The following SYNJ2 variants were observed in gnomAD, a reference collection of about 807,000 sequenced individuals.
SYNJ2 encodes synaptojanin 2.
Under a neutral mutation model 141.3 loss-of-function variants are expected in SYNJ2, and 116 were observed. That is an observed-to-expected ratio of 0.82 (90% CI 0.71 to 0.96). The LOEUF (loss-of-function observed/expected upper bound fraction) is 0.96, where lower values mean the gene tolerates loss of function less well. Ranked by LOEUF, SYNJ2 falls within the 40% of genes least tolerant of loss-of-function variation. The pLI is 0.00. For synonymous variants in SYNJ2, 745 were observed against 777.7 expected (o/e 0.96, Z 0.70); for missense variants, 1,873 against 1,934.8 (o/e 0.97, Z 0.60).
intron 18 of SYNJ2, among the ~76,000 whole-genome samples, chr6:158,080,572 C>G (rs931439448): frequency 2.0e-5 from 3 of 149,214 alleles, no homozygotes; most frequent in African/African-American, 7.4e-5. Flanking sequence ...AAATCTTTGT[C>G]TGAATCCCTG....
chr6:157,994,178 C>G (rs1309061542), intron 1 of SYNJ2, among the ~76,000 whole-genome samples: 2 of 152,028 alleles, frequency 1.3e-5, no homozygotes, highest in Non-Finnish European at 2.9e-5. Context: ...TTGCATGAAC[C>G]CCGCTTTACC....
At chr6:158,038,027 C>T (rs542557168) in intron 4 of SYNJ2, among the ~76,000 whole-genome samples, 373 of 152,336 alleles carry the variant, frequency 2.4e-3, no homozygotes, top group Non-Finnish European at 4.5e-3. Flanking sequence ...CTTGTTAGAG[C>T]TCAGAGGCAG....
chr6:158,067,792 G>A, intron 12 of SYNJ2: 1 of 985,264 alleles, frequency 1.0e-6, no homozygotes, highest in Non-Finnish European at 1.2e-6. Context: ...CAGAGCCACT[G>A]GGGCTCTCTG....
At chr6:157,984,682 G>T (rs994692424) in intron 1 of SYNJ2, among the ~76,000 whole-genome samples, 5 of 152,234 alleles carry the variant, frequency 3.3e-5, no homozygotes, top group African/African-American at 1.2e-4. Flanking sequence ...AGGATTACAG[G>T]CGTGAGCCAC....
chr6:158,055,630 ACTT>A (rs1780825317), intron 6 of SYNJ2, among the ~76,000 whole-genome samples: 1 of 152,142 alleles, frequency 6.6e-6, no homozygotes, highest in African/African-American at 2.4e-5. Flanking sequence ...TGAAATAATA[ACTT>A]CTTAAAAGAT....
intron 1 of SYNJ2, among the ~76,000 whole-genome samples, chr6:158,014,298 T>G (rs952745982): frequency 2.0e-5 from 3 of 152,272 alleles, no homozygotes; most frequent in African/African-American, 7.2e-5. Flanking sequence ...CAACCTATCC[T>G]GGGTTTATCA....
At chr6:157,988,232 G>T (rs1777281256) in intron 1 of SYNJ2, among the ~76,000 whole-genome samples, 1 of 152,234 alleles carries the variant, frequency 6.6e-6, no homozygotes, top group Non-Finnish European at 1.5e-5. Context: ...GACTCTGTGT[G>T]TGTATGCACG....
chr6:158,000,053 A>T (rs1777778952), intron 1 of SYNJ2, among the ~76,000 whole-genome samples: 1 of 141,504 alleles, frequency 7.1e-6, no homozygotes. Context: ...GGTTCTCACC[A>T]AGCCAAAAGG....
intron 22 of SYNJ2, among the ~76,000 whole-genome samples, chr6:158,086,467 T>G (rs1158621917): frequency 5.3e-5 from 8 of 152,170 alleles, no homozygotes; most frequent in African/African-American, 1.9e-4. Context: ...CACCCTCAGC[T>G]TCCTCAGCCG....
intron 1 of SYNJ2, among the ~76,000 whole-genome samples, chr6:158,000,165 A>G (rs946681736): frequency 7.1e-6 from 1 of 141,134 alleles, no homozygotes; most frequent in African/African-American, 2.7e-5. Flanking sequence ...CTGTTTCCAG[A>G]TCCACGGAAT....
At chr6:157,997,590 CTG>C (rs1405665284) in intron 1 of SYNJ2, among the ~76,000 whole-genome samples, 4 of 152,176 alleles carry the variant, frequency 2.6e-5, no homozygotes, top group Non-Finnish European at 5.9e-5. Flanking sequence ...GCCTCCAGAA[CTG>C]TGAGACAATA....
At chr6:158,062,584 A>C (rs1781291662) in intron 8 of SYNJ2, among the ~76,000 whole-genome samples, 1 of 152,188 alleles carries the variant, frequency 6.6e-6, no homozygotes, top group South Asian at 2.1e-4. Context: ...AGATTGCTAG[A>C]GGAGACCAGG....
intron 7 of SYNJ2, 174 bp downstream of exon 7, chr6:158,059,527 G>A: frequency 7.1e-7 from 1 of 1,400,250 alleles, no homozygotes; most frequent in Non-Finnish European, 9.3e-7. Flanking sequence ...AGTGACTCGG[G>A]CCCTGATACA....
At chr6:157,996,361 G>C (rs1449562732) in intron 1 of SYNJ2, among the ~76,000 whole-genome samples, 1 of 151,880 alleles carries the variant, frequency 6.6e-6, no homozygotes, top group African/African-American at 2.4e-5. Context: ...TGCTTTCCTG[G>C]TCTGCTTGGC....
At chr6:158,050,923 C>T (rs1780531696) in intron 5 of SYNJ2, among the ~76,000 whole-genome samples, 2 of 151,964 alleles carry the variant, frequency 1.3e-5, no homozygotes, top group Non-Finnish European at 2.9e-5. Flanking sequence ...CCCACCTTTC[C>T]ATGACACCCA....
intron 1 of SYNJ2, among the ~76,000 whole-genome samples, chr6:157,995,533 G>A (rs556729870): frequency 6.6e-6 from 1 of 152,312 alleles, no homozygotes; most frequent in Admixed American, 6.5e-5. Flanking sequence ...CAGGAAAGCC[G>A]AGAGCTAGAT....
intron 4 of SYNJ2, among the ~76,000 whole-genome samples, chr6:158,035,038 A>G (rs1779568201): frequency 6.6e-6 from 1 of 152,160 alleles, no homozygotes; most frequent in Non-Finnish European, 1.5e-5. Context: ...TCATTGGTCT[A>G]CGTATCTGTT....
intron 4 of SYNJ2, among the ~76,000 whole-genome samples, chr6:158,037,721 C>T (rs1441627641): frequency 6.6e-6 from 1 of 152,126 alleles, no homozygotes; most frequent in Admixed American, 6.6e-5. Flanking sequence ...CATCTTAACC[C>T]ATTACTTCTG....
intron 1 of SYNJ2, chr6:158,002,246 G>A (rs1246194765): frequency 1.3e-5 from 2 of 152,262 alleles, no homozygotes; most frequent in African/African-American, 4.8e-5. Flanking sequence ...AGTGTGACAG[G>A]GTGCGTGGCT....
Sources: allele counts gnomAD v4.1 joint callset (sites outside exome capture counted in the v4.1 genomes callset), GRCh38; gene constraint gnomAD v4.1.1; transcripts MANE v1.5; gene names NCBI Gene and HGNC (gene_info 2026-07-23, HGNC 2026-07-21).